DPP6: variants seen among roughly 807,000 people sequenced by gnomAD.
The protein encoded by DPP6 is A-type potassium channel modulatory protein DPP6.
Under a neutral mutation model 122.6 loss-of-function variants are expected in DPP6, and 69 were observed. The ratio of observed to expected loss-of-function variants is 0.56; its 90% confidence interval spans 0.46 to 0.69. The LOEUF (loss-of-function observed/expected upper bound fraction) is 0.69, where lower values mean the gene tolerates loss of function less well. Ranked by LOEUF, DPP6 falls within the 30% of genes least tolerant of loss-of-function variation. The probability of loss-of-function intolerance (pLI) is 0.00; values close to 1 mark genes in which losing one functional copy is unlikely to be tolerated. For synonymous variants in DPP6, 418 were observed against 433.1 expected, an observed-to-expected ratio of 0.97 and a Z score of 0.43; for missense variants, 928 against 1,116.9, an observed-to-expected ratio of 0.83 and a Z score of 2.41.
At chr7:153,891,330 TTC>T (rs1563210937) in intron 1 of DPP6, among the ~76,000 whole-genome samples, 2 of 151,548 alleles carry the variant, frequency 1.3e-5, no homozygotes, top group African/African-American at 4.9e-5. Context: ...CCCCTAGAAC[TTC>T]TATTTTAATT....
At chr7:154,587,925 T>C in intron 5 of DPP6, 1 of 1,612,936 alleles carries the variant, frequency 6.2e-7, no homozygotes, top group Non-Finnish European at 8.5e-7. Context: ...GAGGCAGGAC[T>C]GCCAATGGCA....
At chr7:154,640,167 G>A (rs996606615) in intron 6 of DPP6, among the ~76,000 whole-genome samples, 8 of 152,236 alleles carry the variant, frequency 5.3e-5, no homozygotes, top group Non-Finnish European at 1.0e-4. Flanking sequence ...CAGGAGAATC[G>A]CTTGAACCTG....
intron 18 of DPP6, among the ~76,000 whole-genome samples, chr7:154,869,604 C>T (rs1017375758): frequency 1.3e-5 from 2 of 152,164 alleles, no homozygotes; most frequent in African/African-American, 2.4e-5. Context: ...CTGGAGGCTG[C>T]CCTGGAGTCC....
In DPP6 at chr7:154,487,000, C is replaced by T. The variant is rs1459414540; in HGVS notation, c.457+11963C>T. Among the ~76,000 whole-genome samples, 1 of 152,186 alleles carries T rather than the reference C, an allele frequency of 6.6e-6. No homozygotes were observed. Among genetic ancestry groups the T allele is most frequent in the African/African-American group, 2.4e-5 (1 of 41,450 alleles). Reference sequence around the variant, plus strand: ...GTTCAGACTCTACTAATTACTTTTCCTTGGCAAACGTTGCATCCCTGGGAA... The same window carrying T: ...GTTCAGACTCTACTAATTACTTTTCTTTGGCAAACGTTGCATCCCTGGGAA... On this transcript the variant is annotated intron_variant, in intron 3 of 25. Coordinates refer to ENST00000377770, the MANE Select transcript of DPP6 (RefSeq NM_130797.4). The surrounding 1 kb of genome is among the most constrained non-coding windows in gnomAD (Gnocchi z 4.5).
In DPP6 at chr7:154,005,042, G is replaced by GA. The variant is rs71276699; in HGVS notation, c.51+117318dup. The stretch of plus-strand genomic sequence containing the variant: ...TGAAAATGAGGGTACAATCAGACCT[G>GA]AAAAAAAAAAGCATATGACTTTGTT... On this transcript the variant is annotated intron_variant, in intron 1 of 25. Coordinates refer to the DPP6 transcript ENST00000404039. 7.1e-3 allele frequency among the ~76,000 whole-genome samples: 1,033 copies of GA among 146,182 alleles called. 9 individuals are homozygous for GA. The highest frequency in any genetic ancestry group is 0.024 in the African/African-American group (964 of 40,064).
the DPP6 span, among the ~76,000 whole-genome samples, chr7:153,823,528 G>A: frequency 6.6e-6 from 1 of 150,440 alleles, no homozygotes; most frequent in African/African-American, 2.4e-5. Flanking sequence ...CTACGAGATG[G>A]CTGAAAGACA....
At chr7:154,010,034 G>T (rs1259567992) in intron 1 of DPP6, among the ~76,000 whole-genome samples, 2 of 152,198 alleles carry the variant, frequency 1.3e-5, no homozygotes, top group Admixed American at 6.5e-5. Context: ...AGCTAGGAGG[G>T]AGTCGGTGGA....
chr7:154,344,929 G>A (rs761061618), intron 1 of DPP6, among the ~76,000 whole-genome samples: 1 of 152,172 alleles, frequency 6.6e-6, no homozygotes, highest in African/African-American at 2.4e-5. Flanking sequence ...AAGTGCTGTT[G>A]TGGGGATTAA....
chr7:154,332,853 G>A (rs1014130147), intron 1 of DPP6, among the ~76,000 whole-genome samples: 2 of 152,124 alleles, frequency 1.3e-5, no homozygotes, highest in African/African-American at 2.4e-5. Flanking sequence ...CACCGTGCCC[G>A]CCCAGTATCC....
At chr7:154,064,111 A>C (rs1362419984) in intron 1 of DPP6, among the ~76,000 whole-genome samples, 2 of 152,286 alleles carry the variant, frequency 1.3e-5, no homozygotes, top group East Asian at 3.9e-4. Flanking sequence ...GGTAGGACAA[A>C]CAGAGCCCTG....
chr7:154,282,366 A>G lies in DPP6; in HGVS notation c.244-163848A>G, dbSNP rs540682549. ...TTTGTGGCCTACAGAAGACTTTCTT[A>G]CACAGTGCACTGTTAACTGAGCAGA... On this transcript the variant is annotated intron_variant, in intron 1 of 25. Transcript: ENST00000377770. This position sits in a 1 kb window ranked among gnomAD's most constrained non-coding sequence, Gnocchi z 4.8. Among the ~76,000 whole-genome samples the G allele has an allele frequency of 1.0e-3, 159 of 152,272 alleles. No homozygotes were observed. The highest frequency in any genetic ancestry group is 1.8e-3 in the Non-Finnish European group (121 of 68,026).
At chr7:153,902,984 G>A (rs1361470672) in intron 1 of DPP6, among the ~76,000 whole-genome samples, 1 of 152,190 alleles carries the variant, frequency 6.6e-6, no homozygotes, top group Non-Finnish European at 1.5e-5. Context: ...GCATTCAAAT[G>A]AGTAACCGCT....
intron 7 of DPP6, among the ~76,000 whole-genome samples, chr7:154,695,691 G>T (rs193120105): frequency 9.8e-5 from 15 of 152,316 alleles, no homozygotes; most frequent in African/African-American, 3.6e-4. Flanking sequence ...GAGCAGCAGA[G>T]ACCTGGAGGC....
chr7:153,918,456 A>ACT (rs1800428828), intron 1 of DPP6, among the ~76,000 whole-genome samples: 4 of 104,426 alleles, frequency 3.8e-5, no homozygotes, highest in African/African-American at 1.3e-4. Flanking sequence ...ACACACACAC[A>ACT]CACACACACA....
intron 1 of DPP6, chr7:154,093,906 C>T (rs1257351241): frequency 6.6e-5 from 10 of 152,076 alleles, no homozygotes; most frequent in African/African-American, 2.4e-4. Flanking sequence ...CGTGTGTGCC[C>T]CTTACAGTGT....
chr7:154,251,203 G>C (rs760032995), intron 1 of DPP6, among the ~76,000 whole-genome samples: 6 of 152,200 alleles, frequency 3.9e-5, no homozygotes, highest in Non-Finnish European at 8.8e-5. Flanking sequence ...AAAGAAAGGT[G>C]TACTGTATCT....
chr7:154,778,887 A>G lies in DPP6; in HGVS notation c.1136+5945A>G, dbSNP rs528758948. ...AACCTTTACAACTTCCAACACTACAACCTTCACCACCATCACCACCACCAC... is the reference window on the plus strand; with the variant it reads ...AACCTTTACAACTTCCAACACTACAGCCTTCACCACCATCACCACCACCAC... On this transcript the variant is annotated intron_variant, in intron 10 of 25. Transcript: ENST00000377770. Among the ~76,000 whole-genome samples, 201 of 148,748 alleles carry G rather than the reference A, an allele frequency of 1.4e-3. 1 individual carries two copies. The highest frequency in any genetic ancestry group is 2.8e-3 in the Admixed American group (42 of 15,020).
chr7:154,841,033 A>G (rs958379373), intron 16 of DPP6, among the ~76,000 whole-genome samples: 1 of 152,264 alleles, frequency 6.6e-6, no homozygotes, highest in Admixed American at 6.5e-5. Context: ...GAGATAAGAC[A>G]TAACTAGATC....
At chr7:153,827,957 G>T in the DPP6 span, among the ~76,000 whole-genome samples, 11 of 152,316 alleles carry the variant, frequency 7.2e-5, no homozygotes, top group East Asian at 2.1e-3. Context: ...CTGATGCTCG[G>T]AGATAACGAG....
Sources: allele counts gnomAD v4.1 joint callset (sites outside exome capture counted in the v4.1 genomes callset), GRCh38; gene constraint gnomAD v4.1.1; non-coding constraint Gnocchi (gnomAD v3.1); transcripts MANE v1.5; gene names NCBI Gene and HGNC (gene_info 2026-07-23, HGNC 2026-07-21).